PIEZO2: variants seen among roughly 807,000 people sequenced by gnomAD.
PIEZO2 encodes the protein piezo-type mechanosensitive ion channel component 2.
In PIEZO2, 172 loss-of-function variants were observed where a neutral mutation model predicts 337.3. The ratio of observed to expected loss-of-function variants is 0.51; its 90% CI spans 0.45 to 0.58. PIEZO2 has a LOEUF of 0.58. Among genes scored for constraint, PIEZO2 ranks in the 20% least tolerant of loss-of-function variants. PIEZO2 has a pLI of 0.00. For synonymous variants in PIEZO2, 1,251 were observed against 1,228.5 expected, an observed-to-expected ratio of 1.02 and a Z score of -0.38; for missense variants, 3,028 against 3,391.3, an observed-to-expected ratio of 0.89 and a Z score of 2.66.
intron 1 of PIEZO2, among the ~76,000 whole-genome samples, chr18:11,124,636 T>G (rs929092815): frequency 3.9e-5 from 6 of 152,014 alleles, no homozygotes; most frequent in Non-Finnish European, 8.8e-5. Context: ...CTGGCAGGCA[T>G]GTGTCTCAGT....
In PIEZO2 at chr18:10,767,578, C is replaced by A. The variant is rs1400069233; in HGVS notation, c.2946+2570G>T. On this transcript the variant is annotated intron_variant, in intron 21 of 55. Transcript: ENST00000674853. This position sits in a 1 kb window ranked among gnomAD's most constrained non-coding sequence, Gnocchi z 4.2. ...GGAGCTAATGACTCGGAGCCCGATG[C>A]GTGAACCCTGGAGCTTGGGCACTGG... 2.0e-5 allele frequency among the ~76,000 whole-genome samples: 3 copies of A among 152,164 alleles called. No individual in the cohort carries two copies. In the South Asian group the frequency reaches 6.2e-4, roughly 32 times the overall value.
chr18:10,674,627 T>A (rs1272634155), intron 54 of PIEZO2, among the ~76,000 whole-genome samples: 1 of 152,222 alleles, frequency 6.6e-6, no homozygotes, highest in African/African-American at 2.4e-5. Context: ...GGAGAATGAA[T>A]TAATGTGTGC....
chr18:10,935,598 A>C (rs1242812044), intron 3 of PIEZO2, among the ~76,000 whole-genome samples: 1 of 152,206 alleles, frequency 6.6e-6, no homozygotes, highest in Non-Finnish European at 1.5e-5. Flanking sequence ...TTTATGAAAA[A>C]GATATTTTAG....
intron 3 of PIEZO2, among the ~76,000 whole-genome samples, chr18:10,944,285 C>A (rs1331658720): frequency 6.6e-6 from 1 of 151,576 alleles, no homozygotes; most frequent in Non-Finnish European, 1.5e-5. Context: ...CAGAGTTCTA[C>A]CCTAATCAGA....
intron 37 of PIEZO2, among the ~76,000 whole-genome samples, chr18:10,717,836 CCTCCT>C (rs1214078290): frequency 2.0e-5 from 3 of 152,180 alleles, no homozygotes; most frequent in Non-Finnish European, 4.4e-5. Context: ...TCATTTACCT[CCTCCT>C]CTCTGTGTTT....
rs1168424822 is a variant in PIEZO2 at position 10,899,321 on chromosome 18, G to C, written c.329+11865C>G. ...TGTGTGTGTGTGTAGAGGTATATCA[G>C]GAAAATGAAGAATCAGGAAGAAACT... is the stretch of plus-strand genomic sequence containing the variant. On this transcript the variant is annotated intron_variant, in intron 4 of 55. Transcript: ENST00000674853. The surrounding 1 kb of genome is among the most constrained non-coding windows in gnomAD (Gnocchi z 4.6). Among the ~76,000 whole-genome samples the C allele has an allele frequency of 6.6e-6, 1 of 152,090 alleles. No homozygotes were observed. Among genetic ancestry groups the C allele is most frequent in the Non-Finnish European group, 1.5e-5 (1 of 68,020 alleles).
At chr18:10,675,404 T>C in intron 53 of PIEZO2, 116 bp from the exon 54 acceptor site, 2 of 578,796 alleles carry the variant, frequency 3.5e-6, no homozygotes, top group South Asian at 2.6e-5. Flanking sequence ...AAGTTTCATA[T>C]ATCTGTACAA....
At chr18:10,718,141 A>T in intron 37 of PIEZO2, 59 bp downstream of exon 37, 2 of 1,403,272 alleles carry the variant, frequency 1.4e-6, no homozygotes, top group Non-Finnish European at 2.0e-6. Flanking sequence ...ATTATATACG[A>T]TCTGGGCAGG....
chr18:10,689,319 C>T (rs2034693090), intron 49 of PIEZO2, among the ~76,000 whole-genome samples: 1 of 152,182 alleles, frequency 6.6e-6, no homozygotes, highest in African/African-American at 2.4e-5. Flanking sequence ...TCCAAGCCAC[C>T]ACCAGCCCCA....
chr18:10,684,237 C>A (rs1162021831), intron 49 of PIEZO2, among the ~76,000 whole-genome samples: 1 of 122,056 alleles, frequency 8.2e-6, no homozygotes, highest in Non-Finnish European at 1.6e-5. Context: ...GCGATCTTGG[C>A]TCACTGCAAG....
intron 1 of PIEZO2, among the ~76,000 whole-genome samples, chr18:11,145,666 A>C (rs2040791503): frequency 6.6e-6 from 1 of 152,224 alleles, no homozygotes; most frequent in South Asian, 2.1e-4. Flanking sequence ...GGCAGACCAG[A>C]ACCCTCCAAT....
At position 11,109,842 on chromosome 18, in the gene PIEZO2, T is replaced by G. The variant is rs1295404919; in HGVS notation, c.64+38683A>C. On this transcript the variant is annotated intron_variant, in intron 1 of 55. Transcript: ENST00000674853. The surrounding 1 kb of genome is among the most constrained non-coding windows in gnomAD (Gnocchi z 5.1). ...ATATACAGATTTTTCCACAGATCTT[T>G]CTTTTCTTGCTTTCCTTTACTGAAA... 6.6e-6 allele frequency among the ~76,000 whole-genome samples: 1 copy of G among 152,254 alleles called. No individual in the cohort carries two copies. Among genetic ancestry groups the G allele is most frequent in the Admixed American group, 6.5e-5 (1 of 15,290 alleles).
At chr18:10,984,383 T>G (rs2034789412) in intron 2 of PIEZO2, among the ~76,000 whole-genome samples, 2 of 151,882 alleles carry the variant, frequency 1.3e-5, no homozygotes, top group South Asian at 4.1e-4. Context: ...CATTCAACCA[T>G]AAGAAACCAA....
chr18:10,718,772 G>T (rs1184718843), intron 36 of PIEZO2, among the ~76,000 whole-genome samples: 1 of 152,058 alleles, frequency 6.6e-6, no homozygotes, highest in African/African-American at 2.4e-5. Context: ...AGCACTTTGG[G>T]AGGTTGAGGA....
chr18:10,726,359 C>T lies in PIEZO2; in HGVS notation c.5029+5048G>A. ...GCCCAGCGCTGCCTCCCTTCGCCTT[C>T]CCCGCAGGCACCCACTACCTGCGGG... On this transcript the variant is annotated intron_variant, in intron 36 of 55. Coordinates refer to ENST00000674853, the MANE Select transcript of PIEZO2 (RefSeq NM_001378183.1). The surrounding 1 kb of genome is among the most constrained non-coding windows in gnomAD (Gnocchi z 5.9). The T allele has an allele frequency of 1.3e-6, 2 of 1,509,300 alleles. No homozygotes were observed. The highest frequency in any genetic ancestry group is 2.1e-5 in the Admixed American group (1 of 48,692). The allele number at this position is 1,509,300 out of a possible 1,614,324, so 93.5% of individuals were successfully genotyped here.
rs528774943 is a variant in PIEZO2, at chr18:10,824,214, A to G, written c.918-16940T>C. ...CTACTCTAGAAATCTGGGGCTAGGG[A>G]ATAATTTACGAGAGTAGCAAGAGAC... On this transcript the variant is annotated intron_variant, in intron 7 of 55. Coordinates refer to ENST00000674853, the MANE Select transcript of PIEZO2 (RefSeq NM_001378183.1). The surrounding 1 kb of genome is among the most constrained non-coding windows in gnomAD (Gnocchi z 4.4). 2.0e-4 allele frequency among the ~76,000 whole-genome samples: 31 copies of G among 152,300 alleles called. No individual in the cohort carries two copies. In the South Asian group the frequency reaches 6.2e-3, roughly 31 times the overall value.
rs536022451 is a variant in PIEZO2 at position 10,958,142 on chromosome 18, A to C, written c.286+21393T>G. Among the ~76,000 whole-genome samples the C allele has an allele frequency of 1.6e-4, 25 of 152,356 alleles. No homozygotes were observed. In the South Asian group the frequency reaches 5.0e-3, roughly 30 times the overall value. ...CCTGAAAAGTGTTCATCAACAGATGAATAAATAAATAAAATGTGTTATAAA... is the reference window on the plus strand; with the variant it reads ...CCTGAAAAGTGTTCATCAACAGATGCATAAATAAATAAAATGTGTTATAAA... On this transcript the variant is annotated intron_variant, in intron 3 of 55. Transcript: ENST00000674853.
intron 2 of PIEZO2, among the ~76,000 whole-genome samples, chr18:11,036,272 G>A (rs1009984174): frequency 6.6e-6 from 1 of 152,112 alleles, no homozygotes; most frequent in African/African-American, 2.4e-5. Context: ...CCTCTTCCTG[G>A]GAATGAATAA....
intron 42 of PIEZO2, 37 bp from the exon 43 acceptor site, chr18:10,702,208 C>T (rs892593215): frequency 6.6e-6 from 10 of 1,514,646 alleles, no homozygotes; most frequent in South Asian, 2.5e-5. Context: ...AACATTACTC[C>T]TTTTAGGAAT....
Sources: allele counts gnomAD v4.1 joint callset (sites outside exome capture counted in the v4.1 genomes callset), GRCh38; gene constraint gnomAD v4.1.1; non-coding constraint Gnocchi (gnomAD v3.1); transcripts MANE v1.5; gene names NCBI Gene and HGNC (gene_info 2026-07-23, HGNC 2026-07-21).